The following VDAC1 variants were observed in gnomAD, a reference collection of about 807,000 sequenced individuals.
VDAC1 encodes non-selective voltage-gated ion channel VDAC1.
Under a neutral mutation model 34.7 loss-of-function variants are expected in VDAC1, and 10 were observed. The ratio of observed to expected loss-of-function variants is 0.29; its 90% CI spans 0.18 to 0.49. The LOEUF (loss-of-function observed/expected upper bound fraction) is 0.49. Among genes scored for constraint, VDAC1 ranks in the 20% least tolerant of loss-of-function variants. VDAC1 has a pLI of 0.99. For missense variants in VDAC1, 230 were observed against 347.9 expected (o/e 0.66, Z 2.69); for synonymous variants, 130 against 136.0 (o/e 0.96, Z 0.30).
the VDAC1 span, among the ~76,000 whole-genome samples, chr5:134,039,201 A>G: frequency 1.3e-5 from 2 of 152,322 alleles, no homozygotes; most frequent in East Asian, 1.9e-4. Flanking sequence ...TTGCTGTTAC[A>G]GTGATTCGCA....
At chr5:133,992,586 G>T (rs868189140) in intron 2 of VDAC1, among the ~76,000 whole-genome samples, 2 of 152,258 alleles carry the variant, frequency 1.3e-5, no homozygotes, top group Non-Finnish European at 2.9e-5. Context: ...TCCCAGCAGG[G>T]TCTGATAAGA....
At chr5:134,042,514 G>C in the VDAC1 span, among the ~76,000 whole-genome samples, 1 of 151,974 alleles carries the variant, frequency 6.6e-6, no homozygotes, top group South Asian at 2.1e-4. Flanking sequence ...TTCTTAGACA[G>C]AGTCTTGCTC....
chr5:133,997,629 AAC>A (rs1276791458), intron 1 of VDAC1, among the ~76,000 whole-genome samples: 3 of 151,036 alleles, frequency 2.0e-5, no homozygotes, highest in Non-Finnish European at 4.4e-5. Context: ...CACAAGCTTA[AAC>A]CAGGAGGCAG....
At position 133,992,344 on chromosome 5, in the gene VDAC1, T is replaced by G; in HGVS notation, c.79A>C (p.Ile27Leu). The part of the protein sequence containing the change: ...VFTKGYGFGL[I>L]KLDLKTKSEN... ...GATTTTGTTTTCAAATCAAGCTTTA[T>G]TAAGCCAAATCCTAAAGAAAGAAGA... Residue 27 changes from isoleucine to leucine, a missense_variant, in exon 3 of 9, where the codon ATA becomes CTA. By Grantham distance (5) the Ile-to-Leu change is conservative. Coordinates refer to ENST00000265333, the MANE Select transcript of VDAC1 (RefSeq NM_003374.3). 6.3e-7 allele frequency: 1 copy of G among 1,582,534 alleles called. No homozygotes were observed. Among genetic ancestry groups the G allele is most frequent in the Non-Finnish European group, 8.6e-7 (1 of 1,166,012 alleles).
the VDAC1 span, among the ~76,000 whole-genome samples, chr5:134,044,649 C>CTGTG: frequency 7.9e-5 from 12 of 151,814 alleles, no homozygotes; most frequent in South Asian, 4.2e-4. Context: ...ATATTGCTAT[C>CTGTG]TGTGTGTGTG....
At chr5:134,006,746 C>A (rs1243793165), upstream of VDAC1, among the ~76,000 whole-genome samples, 1 of 113,876 alleles carries the variant, frequency 8.8e-6, no homozygotes, top group Admixed American at 8.3e-5. Flanking sequence ...GTCCCCCCCC[C>A]CCAAAAAAAA....
chr5:133,988,183 G>A (rs149790750), intron 5 of VDAC1, among the ~76,000 whole-genome samples: 250 of 152,212 alleles, frequency 1.6e-3, no homozygotes, highest in Non-Finnish European at 2.5e-3. Context: ...TTATAGTTAC[G>A]TAAACCATTA....
the VDAC1 span, among the ~76,000 whole-genome samples, chr5:134,012,482 G>A: frequency 2.6e-5 from 4 of 152,178 alleles, no homozygotes; most frequent in South Asian, 2.1e-4. Context: ...CCAAGATGAC[G>A]GTATTAGAAG....
chr5:134,091,965 G>A, the VDAC1 span, among the ~76,000 whole-genome samples: 1 of 152,214 alleles, frequency 6.6e-6, no homozygotes, highest in Non-Finnish European at 1.5e-5. Flanking sequence ...TGCTTCAGCA[G>A]GTGTCCAGGG....
At chr5:134,019,163 C>T in the VDAC1 span, among the ~76,000 whole-genome samples, 10 of 151,884 alleles carry the variant, frequency 6.6e-5, no homozygotes, top group South Asian at 2.1e-4. Flanking sequence ...TGGAGTCATT[C>T]GTGTTAACAA....
At chr5:134,074,857 C>T in the VDAC1 span, among the ~76,000 whole-genome samples, 1 of 152,166 alleles carries the variant, frequency 6.6e-6, no homozygotes, top group African/African-American at 2.4e-5. Flanking sequence ...GCCATGAAGA[C>T]ATCCACCACC....
At chr5:134,087,723 G>A in the VDAC1 span, among the ~76,000 whole-genome samples, 83 of 151,782 alleles carry the variant, frequency 5.5e-4, no homozygotes, top group African/African-American at 1.9e-3. Context: ...GGGTGTGGTG[G>A]CACGTGCCTG....
the VDAC1 span, among the ~76,000 whole-genome samples, chr5:134,057,458 C>T: frequency 4.0e-4 from 60 of 148,192 alleles, no homozygotes; most frequent in African/African-American, 1.4e-3. Context: ...CCAGCCTGGG[C>T]GACAGAGTGA....
the VDAC1 span, among the ~76,000 whole-genome samples, chr5:134,027,068 T>C: frequency 6.6e-6 from 1 of 152,320 alleles, no homozygotes; most frequent in East Asian, 1.9e-4. Context: ...TACTGGCACC[T>C]GCCAGGTGGT....
At chr5:133,974,962 AAAAC>A (rs1482447414) in intron 7 of VDAC1, among the ~76,000 whole-genome samples, 27 of 147,750 alleles carry the variant, frequency 1.8e-4, no homozygotes, top group East Asian at 4.3e-4. Context: ...CTCAAAAAAA[AAAAC>A]AAACAAACAG....
chr5:133,989,944 G>A (rs746161690), intron 5 of VDAC1, among the ~76,000 whole-genome samples: 39 of 152,246 alleles, frequency 2.6e-4, no homozygotes, highest in Non-Finnish European at 3.5e-4. Context: ...TTACAGGCGT[G>A]AGCCACCACG....
At chr5:134,080,568 T>TTAAGTCACG in the VDAC1 span, among the ~76,000 whole-genome samples, 1 of 53,892 alleles carries the variant, frequency 1.9e-5, no homozygotes. Flanking sequence ...TACCATACCG[T>TTAAGTCACG]GAGCAGGTTA....
In VDAC1 at chr5:133,990,802, C is replaced by T. The variant is rs1267873842; in HGVS notation, c.323+53G>A. 3 of 1,509,922 alleles carry T rather than the reference C, an allele frequency of 2.0e-6. No homozygotes were observed. In the Admixed American group the frequency reaches 6.9e-5, roughly 35 times the overall value. The allele number at this position is 1,509,922 out of a possible 1,614,324, so 93.5% of individuals were successfully genotyped here. ...AACATTTTGTCACAAAGGGCTTCCA[C>T]CACCTGCAACATCAGAGAACATCCT... On this transcript the variant is annotated intron_variant, in intron 5 of 8. Coordinates refer to ENST00000265333, the MANE Select transcript of VDAC1 (RefSeq NM_003374.3).
the VDAC1 span, among the ~76,000 whole-genome samples, chr5:134,091,570 C>T: frequency 6.6e-6 from 1 of 152,152 alleles, no homozygotes; most frequent in East Asian, 1.9e-4. Context: ...CACAAATGCA[C>T]ACCATATTTG....
Sources: gnomAD v4.1 joint callset for allele counts (sites outside exome capture counted in the v4.1 genomes callset) on GRCh38, gnomAD v4.1.1 for gene constraint, MANE v1.5 for transcripts, NCBI Gene and HGNC (gene_info 2026-07-23, HGNC 2026-07-21) for gene names.